The following SORCS1 variants were observed in gnomAD, a reference collection of about 807,000 sequenced individuals.
SORCS1 encodes the protein sortilin related VPS10 domain containing receptor 1.
Under a neutral mutation model 146.1 loss-of-function variants are expected in SORCS1, and 60 were observed. That is an observed-to-expected ratio of 0.41 (90% confidence interval 0.33 to 0.51). The LOEUF is 0.51. Ranked by LOEUF, SORCS1 falls within the 20% of genes least tolerant of loss-of-function variation. The pLI is 0.21. For missense variants in SORCS1, 1,352 were observed against 1,487.6 expected (o/e 0.91, Z 1.50); for synonymous variants, 637 against 584.0 (o/e 1.09, Z -1.31).
chr10:106,809,890 T>C (rs752610355), intron 3 of SORCS1, among the ~76,000 whole-genome samples: 1 of 152,172 alleles, frequency 6.6e-6, no homozygotes, highest in Non-Finnish European at 1.5e-5. Context: ...ATAGAACATG[T>C]CCATGATTAA....
chr10:106,650,576 C>A (rs534789147), intron 18 of SORCS1, among the ~76,000 whole-genome samples: 3 of 152,262 alleles, frequency 2.0e-5, no homozygotes, highest in Admixed American at 6.5e-5. Flanking sequence ...TGGGACATGA[C>A]CTCATCAGTC....
intron 15 of SORCS1, 141 bp from the exon 16 acceptor site, chr10:106,671,508 C>T (rs1851601565): frequency 1.7e-6 from 2 of 1,211,840 alleles, no homozygotes; most frequent in Non-Finnish European, 2.3e-6. Context: ...ACAACATTTT[C>T]CTTTTGCGGT....
chr10:107,179,291 CAAAGA>C, the SORCS1 span, among the ~76,000 whole-genome samples: 3 of 152,088 alleles, frequency 2.0e-5, no homozygotes, highest in East Asian at 1.9e-4. Flanking sequence ...GTTTTCACTA[CAAAGA>C]AAAGTATGTG....
chr10:107,011,053 CAGG>C (rs1223995719), intron 1 of SORCS1, among the ~76,000 whole-genome samples: 1 of 152,144 alleles, frequency 6.6e-6, no homozygotes, highest in Non-Finnish European at 1.5e-5. Flanking sequence ...CTGGGATGAG[CAGG>C]AGGACAGGAA....
intron 21 of SORCS1, 68 bp from the exon 22 acceptor site, chr10:106,612,091 A>G: frequency 7.9e-7 from 1 of 1,261,814 alleles, no homozygotes; most frequent in South Asian, 1.3e-5. Flanking sequence ...GTTAGACTTT[A>G]TATTTTATAC....
At chr10:106,658,478 T>G (rs2135340407) in intron 17 of SORCS1, among the ~76,000 whole-genome samples, 1 of 152,098 alleles carries the variant, frequency 6.6e-6, no homozygotes, top group Non-Finnish European at 1.5e-5. Context: ...TCATTTGCAC[T>G]CACAATAAAA....
rs143346020 is a variant in SORCS1, at chr10:106,646,387, T to C, written c.2475+5995A>G. Among the ~76,000 whole-genome samples the C allele has an allele frequency of 1.6e-3, 241 of 152,340 alleles. 1 individual carries two copies. Among genetic ancestry groups the C allele is most frequent in the African/African-American group, 5.7e-3 (235 of 41,586 alleles). ...ACACAAGGTCATGAAGATACTCTTC[T>C]GTGCTTTCTTTTAGAAATGTTAGTA... is the stretch of plus-strand genomic sequence containing the variant. On this transcript the variant is annotated intron_variant, in intron 18 of 25. Transcript: ENST00000263054.
chr10:107,099,396 C>T (rs1306944690), intron 1 of SORCS1, among the ~76,000 whole-genome samples: 14 of 152,142 alleles, frequency 9.2e-5, no homozygotes, highest in Admixed American at 8.5e-4. Flanking sequence ...TTTCCAAATA[C>T]TGACCTAATC....
intron 1 of SORCS1, among the ~76,000 whole-genome samples, chr10:107,158,874 C>T (rs1969497497): frequency 6.6e-6 from 1 of 152,094 alleles, no homozygotes; most frequent in African/African-American, 2.4e-5. Context: ...TTGCCCTATC[C>T]TATGAACTTC....
intron 3 of SORCS1, among the ~76,000 whole-genome samples, chr10:106,822,174 T>A (rs1340235340): frequency 6.6e-6 from 1 of 152,170 alleles, no homozygotes; most frequent in Non-Finnish European, 1.5e-5. Context: ...AGGTACTTAG[T>A]GTGTAATGTA....
chr10:106,623,691 A>G (rs537705171), intron 19 of SORCS1, among the ~76,000 whole-genome samples: 1 of 152,002 alleles, frequency 6.6e-6, no homozygotes, highest in South Asian at 2.1e-4. Context: ...TTTGAGACAG[A>G]GTCTCCCTCT....
intron 25 of SORCS1, 30 bp downstream of exon 25, chr10:106,579,339 G>A (rs372034399): frequency 6.2e-7 from 1 of 1,613,918 alleles, no homozygotes; most frequent in Non-Finnish European, 8.5e-7. Flanking sequence ...GAGGTCAGGG[G>A]TGGGGGAACG....
In SORCS1 at chr10:106,909,134, T is replaced by C. The variant is rs7070010; in HGVS notation, c.626+47379A>G. ...CTTCACTGGGTGTGGTATCCTAGGC[T>C]CCTTGATGTTTGGGAGAGAGGTTCT... On this transcript the variant is annotated intron_variant, in intron 2 of 25. Coordinates refer to ENST00000263054, the MANE Select transcript of SORCS1 (RefSeq NM_052918.5). 8.2e-3 allele frequency among the ~76,000 whole-genome samples: 1,255 copies of C among 152,228 alleles called. 27 individuals carry two copies. Among genetic ancestry groups the C allele is most frequent in the African/African-American group, 0.029 (1,207 of 41,538 alleles).
At chr10:106,722,365 A>C (rs1374052993) in intron 6 of SORCS1, among the ~76,000 whole-genome samples, 1 of 152,200 alleles carries the variant, frequency 6.6e-6, no homozygotes, top group Non-Finnish European at 1.5e-5. Context: ...CTTACTGTTC[A>C]ATACGGAAAC....
At chr10:106,695,564 A>G (rs1193248048) in intron 9 of SORCS1, among the ~76,000 whole-genome samples, 1 of 152,126 alleles carries the variant, frequency 6.6e-6, no homozygotes, top group Non-Finnish European at 1.5e-5. Context: ...CTCTGCCTCC[A>G]TTTACTTATA....
intron 2 of SORCS1, among the ~76,000 whole-genome samples, chr10:106,852,627 C>CG: frequency 1.2e-5 from 1 of 85,044 alleles, no homozygotes; most frequent in African/African-American, 4.2e-5. Flanking sequence ...GACCCTGTCT[C>CG]AAAAAAAAAA....
intron 18 of SORCS1, among the ~76,000 whole-genome samples, chr10:106,640,242 T>C (rs1161658180): frequency 2.0e-5 from 3 of 152,210 alleles, no homozygotes; most frequent in Non-Finnish European, 2.9e-5. Context: ...TGAAGTGTTA[T>C]TACACTGTGG....
At chr10:106,830,049 G>C (rs1263003503) in intron 2 of SORCS1, among the ~76,000 whole-genome samples, 1 of 152,166 alleles carries the variant, frequency 6.6e-6, no homozygotes, top group Admixed American at 6.5e-5. Flanking sequence ...TAGAAAAGCA[G>C]GTTCTCCTGA....
chr10:107,179,170 A>G, the SORCS1 span, among the ~76,000 whole-genome samples: 1 of 152,306 alleles, frequency 6.6e-6, no homozygotes, highest in Admixed American at 6.5e-5. Context: ...CTGCAATAAG[A>G]TGATGTCTCA....
Sources: allele counts gnomAD v4.1 joint callset (sites outside exome capture counted in the v4.1 genomes callset), GRCh38; gene constraint gnomAD v4.1.1; transcripts MANE v1.5; gene names NCBI Gene and HGNC (gene_info 2026-07-23, HGNC 2026-07-21).